Variants in PTK2 observed in about 807,000 individuals in gnomAD.
The protein encoded by PTK2 is protein tyrosine kinase 2.
PTK2 carries 45 observed loss-of-function variants against 150.1 expected under a neutral mutation model. The observed-to-expected ratio is 0.30, with a 90% CI of 0.24 to 0.38. PTK2 has a LOEUF of 0.38. Among genes scored for constraint, PTK2 ranks in the 10% least tolerant of loss-of-function variants. The pLI is 1.00. For synonymous variants in PTK2, 432 were observed against 449.2 expected (o/e 0.96, Z 0.48); for missense variants, 919 against 1,307.3 (o/e 0.70, Z 4.58).
At chr8:140,733,045 A>T (rs1181891416) in intron 22 of PTK2, among the ~76,000 whole-genome samples, 1 of 152,214 alleles carries the variant, frequency 6.6e-6, no homozygotes, top group South Asian at 2.1e-4. Context: ...AACCCCACTG[A>T]AAGTTGTTTT....
chr8:140,803,549 T>C (rs776479063), exon 11 of PTK2: 10 of 1,608,666 alleles, frequency 6.2e-6, no homozygotes, highest in Non-Finnish European at 7.7e-6. Context: ...TTACCTCGGG[T>C]GCACCTGCTA....
intron 21 of PTK2, among the ~76,000 whole-genome samples, chr8:140,737,459 T>C (rs1454704470): frequency 2.6e-5 from 4 of 152,246 alleles, no homozygotes; most frequent in Non-Finnish European, 5.9e-5. Context: ...CACTGCATTT[T>C]ACCACATTTG....
chr8:140,676,312 G>C (rs2100013616), intron 27 of PTK2, among the ~76,000 whole-genome samples: 1 of 151,950 alleles, frequency 6.6e-6, no homozygotes, highest in African/African-American at 2.4e-5. Flanking sequence ...GGAGGCAGAG[G>C]TTGCAGTGAG....
intron 16 of PTK2, among the ~76,000 whole-genome samples, chr8:140,757,980 T>C (rs1270993480): frequency 1.7e-4 from 26 of 152,208 alleles, no homozygotes; most frequent in Non-Finnish European, 5.9e-5. Context: ...TAGTGATTAA[T>C]ACATGATAAT....
At chr8:140,828,996 C>T (rs1343653729) in intron 8 of PTK2, among the ~76,000 whole-genome samples, 1 of 152,210 alleles carries the variant, frequency 6.6e-6, no homozygotes, top group Non-Finnish European at 1.5e-5. Context: ...TAGACTGGGA[C>T]AGTGTCTCGA....
intron 1 of PTK2, among the ~76,000 whole-genome samples, chr8:140,981,890 C>A (rs971432587): frequency 6.6e-6 from 1 of 152,200 alleles, no homozygotes; most frequent in Non-Finnish European, 1.5e-5. Context: ...CTTGGGTGTC[C>A]TTCCTCCAGG....
chr8:140,739,870 G>A (rs2100054708), intron 20 of PTK2, among the ~76,000 whole-genome samples: 1 of 152,174 alleles, frequency 6.6e-6, no homozygotes, highest in Non-Finnish European at 1.5e-5. Context: ...CTGCATATGT[G>A]GGTATTAGGG....
At chr8:140,885,995 C>A (rs1191972859) in intron 3 of PTK2, among the ~76,000 whole-genome samples, 3 of 151,924 alleles carry the variant, frequency 2.0e-5, no homozygotes, top group Non-Finnish European at 4.4e-5. Context: ...GGATACCATG[C>A]CATAATGTAT....
chr8:140,959,730 T>C (rs1446319470), intron 1 of PTK2, among the ~76,000 whole-genome samples: 2 of 151,490 alleles, frequency 1.3e-5, no homozygotes, highest in Non-Finnish European at 2.9e-5. Flanking sequence ...TAGCAGCTCA[T>C]GCCTGTAATT....
intron 1 of PTK2, among the ~76,000 whole-genome samples, chr8:140,966,362 T>C (rs1483383132): frequency 6.6e-6 from 1 of 152,230 alleles, no homozygotes; most frequent in Non-Finnish European, 1.5e-5. Context: ...TTATTCTATG[T>C]AGTTAAAGGA....
At chr8:140,889,232 TTTTC>T (rs934658303) in intron 3 of PTK2, among the ~76,000 whole-genome samples, 3 of 151,454 alleles carry the variant, frequency 2.0e-5, no homozygotes, top group African/African-American at 7.4e-5. Context: ...TAAATCTTTT[TTTTC>T]TTTTTTTTCT....
chr8:140,661,914 G>A (rs951417110), intron 31 of PTK2, among the ~76,000 whole-genome samples: 4 of 152,216 alleles, frequency 2.6e-5, no homozygotes, highest in African/African-American at 4.8e-5. Flanking sequence ...GGGATGGGCT[G>A]CTCTTTCAGG....
intron 22 of PTK2, among the ~76,000 whole-genome samples, chr8:140,727,540 C>T (rs2100046615): frequency 6.7e-6 from 1 of 149,708 alleles, no homozygotes; most frequent in Non-Finnish European, 1.5e-5. Context: ...AATTTAGACA[C>T]CACCTTTGAA....
chr8:140,837,278 A>T (rs1029229697), intron 7 of PTK2, among the ~76,000 whole-genome samples: 1 of 152,200 alleles, frequency 6.6e-6, no homozygotes, highest in Non-Finnish European at 1.5e-5. Flanking sequence ...CCTACAAAAA[A>T]AGTACCTTGG....
At chr8:140,924,231 C>A (rs1184919769) in intron 2 of PTK2, among the ~76,000 whole-genome samples, 3 of 152,176 alleles carry the variant, frequency 2.0e-5, no homozygotes, top group Non-Finnish European at 2.9e-5. Flanking sequence ...TGCTCCCTTT[C>A]CCCTGCCACA....
chr8:140,991,698 C>A (rs1295992599), intron 1 of PTK2, among the ~76,000 whole-genome samples: 2 of 152,136 alleles, frequency 1.3e-5, no homozygotes, highest in African/African-American at 4.8e-5. Context: ...CATCAAAGCA[C>A]CAAGATGGCA....
chr8:140,991,730 C>T (rs547500151), intron 1 of PTK2, among the ~76,000 whole-genome samples: 1 of 152,280 alleles, frequency 6.6e-6, no homozygotes, highest in African/African-American at 2.4e-5. Flanking sequence ...CTTGCGAGGC[C>T]AGGCATGGTG....
exon 30 of PTK2, chr8:140,668,300 G>A: frequency 6.2e-7 from 1 of 1,614,088 alleles, no homozygotes; most frequent in Non-Finnish European, 8.5e-7. Flanking sequence ...CTCTGGTGGG[G>A]CTGGCTGGAT....
intron 22 of PTK2, among the ~76,000 whole-genome samples, chr8:140,720,004 G>T (rs2100042030): frequency 6.6e-6 from 1 of 152,082 alleles, no homozygotes; most frequent in Non-Finnish European, 1.5e-5. Context: ...AGCTCGGCCT[G>T]GTACGTTCTA....
Sources: gnomAD v4.1 joint callset for allele counts (sites outside exome capture counted in the v4.1 genomes callset) on GRCh38, gnomAD v4.1.1 for gene constraint, MANE v1.5 for transcripts, NCBI Gene and HGNC (gene_info 2026-07-23, HGNC 2026-07-21) for gene names.